The following RYR2 variants were observed in gnomAD, a reference collection of about 807,000 sequenced individuals.
RYR2 encodes the protein cardiac muscle ryanodine receptor-calcium release channel.
A neutral mutation model predicts 601.1 loss-of-function variants in RYR2; 227 were observed. That is an observed-to-expected ratio of 0.38 (90% CI 0.34 to 0.42). The LOEUF is 0.42. Among genes scored for constraint, RYR2 ranks in the 10% least tolerant of loss-of-function variants. The pLI is 1.00. For synonymous variants in RYR2, 2,223 were observed against 2,175.1 expected (o/e 1.02, Z -0.61); for missense variants, 4,646 against 6,156.5 (o/e 0.75, Z 8.21).
intron 58 of RYR2, among the ~76,000 whole-genome samples, chr1:237,669,005 T>C (rs1015651485): frequency 2.0e-5 from 3 of 151,846 alleles, no homozygotes; most frequent in African/African-American, 4.8e-5. Flanking sequence ...CTGGTTTTCC[T>C]AGGCAGAGGA....
Position 237,707,063 on chromosome 1 carries a change from C to CA in RYR2, c.9696dup (p.His3233ThrfsTer23). The CA allele has an allele frequency of 6.2e-7, 1 of 1,613,816 alleles. No homozygotes were observed. Among genetic ancestry groups the CA allele is most frequent in the Non-Finnish European group, 8.5e-7 (1 of 1,179,834 alleles). On this transcript the variant is annotated frameshift_variant, in exon 68 of 105. Coordinates refer to ENST00000366574, the MANE Select transcript of RYR2 (RefSeq NM_001035.3). LOFTEE classifies it high-confidence loss of function. ...TCCGGCATTCGCTACACTCAAATGC[C>CA]ACATGTCATGGAAGTCATACTGCCC...
intron 17 of RYR2, among the ~76,000 whole-genome samples, chr1:237,478,345 G>C (rs768164140): frequency 6.6e-6 from 1 of 152,108 alleles, no homozygotes; most frequent in Non-Finnish European, 1.5e-5. Context: ...TGTGCTTCCC[G>C]TTTTTTAACC....
At chr1:237,304,252 A>G (rs1458083764) in intron 2 of RYR2, among the ~76,000 whole-genome samples, 2 of 152,208 alleles carry the variant, frequency 1.3e-5, no homozygotes, top group South Asian at 2.1e-4. Flanking sequence ...TGCTGGCTAG[A>G]GATCAGGAGC....
chr1:237,278,571 G>A (rs1690539468), intron 2 of RYR2, among the ~76,000 whole-genome samples: 3 of 152,154 alleles, frequency 2.0e-5, no homozygotes, highest in Admixed American at 2.0e-4. Flanking sequence ...AGAATAAAAT[G>A]ATTTCTGAGT....
At chr1:237,385,895 G>A (rs981808701) in intron 8 of RYR2, among the ~76,000 whole-genome samples, 1 of 152,208 alleles carries the variant, frequency 6.6e-6, no homozygotes, top group African/African-American at 2.4e-5. Flanking sequence ...AAGAAAATAA[G>A]CCCAAGAATT....
chr1:237,395,276 A>G (rs1310558663), intron 10 of RYR2, among the ~76,000 whole-genome samples: 4 of 152,232 alleles, frequency 2.6e-5, no homozygotes, highest in Non-Finnish European at 5.9e-5. Flanking sequence ...GAGAAAGATC[A>G]GCCAAGTCTT....
At chr1:237,816,681 T>C (rs995417927) in intron 100 of RYR2, among the ~76,000 whole-genome samples, 1 of 120,756 alleles carries the variant, frequency 8.3e-6, no homozygotes, top group Non-Finnish European at 1.7e-5. Flanking sequence ...GGAGCGAGAC[T>C]CTATGTAGAA....
At position 237,302,897 on chromosome 1, in the gene RYR2, A is replaced by G. The variant is rs972129454; in HGVS notation, c.169-27981A>G. On this transcript the variant is annotated intron_variant, in intron 2 of 104. Coordinates refer to ENST00000366574, the MANE Select transcript of RYR2 (RefSeq NM_001035.3). ...TCATGTACTTTTTAGGGCTTTTGAT[A>G]TTTACTGTCATATTGCCCTTCAGAA... Among the ~76,000 whole-genome samples, 5 of 152,136 alleles carry G rather than the reference A, an allele frequency of 3.3e-5. No homozygotes were observed. The East Asian group carries it at 9.6e-4, about 29-fold the overall frequency.
At chr1:237,081,876 G>T (rs1665721563) in intron 1 of RYR2, among the ~76,000 whole-genome samples, 1 of 152,052 alleles carries the variant, frequency 6.6e-6, no homozygotes, top group South Asian at 2.1e-4. Context: ...TCTTTTAAGG[G>T]TGAGCTCCAC....
At chr1:237,467,223 A>G (rs998081386) in intron 16 of RYR2, among the ~76,000 whole-genome samples, 2 of 148,180 alleles carry the variant, frequency 1.3e-5, no homozygotes, top group Non-Finnish European at 3.0e-5. Flanking sequence ...ACAATAGTTT[A>G]TATATAATTT....
At chr1:237,711,488 G>A (rs1397650860) in intron 70 of RYR2, among the ~76,000 whole-genome samples, 1 of 152,116 alleles carries the variant, frequency 6.6e-6, no homozygotes, top group Non-Finnish European at 1.5e-5. Flanking sequence ...TGGTAAACAT[G>A]TGATCTTGCA....
At chr1:237,511,422 C>T (rs1665888576) in intron 23 of RYR2, among the ~76,000 whole-genome samples, 2 of 151,874 alleles carry the variant, frequency 1.3e-5, no homozygotes, top group Admixed American at 1.3e-4. Flanking sequence ...CTGAGTGAGC[C>T]TGTGGGAATC....
intron 23 of RYR2, among the ~76,000 whole-genome samples, chr1:237,511,137 G>A (rs75083092): frequency 7.0e-4 from 106 of 152,192 alleles, no homozygotes; most frequent in African/African-American, 2.3e-3. Flanking sequence ...TTTATAAAAC[G>A]TGTCAAGTGC....
At chr1:237,506,957 A>G (rs1665328676) in intron 23 of RYR2, 143 bp downstream of exon 23, 6 of 721,844 alleles carry the variant, frequency 8.3e-6, no homozygotes, top group Non-Finnish European at 1.4e-5. Context: ...GTTTTTGTGC[A>G]GTTTTGCCTT....
intron 25 of RYR2, among the ~76,000 whole-genome samples, chr1:237,539,626 TG>T (rs1669038834): frequency 6.6e-6 from 1 of 152,058 alleles, no homozygotes; most frequent in South Asian, 2.1e-4. Context: ...CACTTATAAG[TG>T]GGAGCTCAAC....
chr1:237,240,682 A>C (rs868867996), intron 1 of RYR2, among the ~76,000 whole-genome samples: 2,317 of 148,850 alleles, frequency 0.016, 67 homozygotes, highest in African/African-American at 0.054. Flanking sequence ...AAAAAAAAAA[A>C]AAAAAAACAG....
At chr1:237,797,907 C>T in intron 96 of RYR2, 130 bp from the exon 97 acceptor site, 1 of 795,370 alleles carries the variant, frequency 1.3e-6, no homozygotes. Context: ...GTGAGCCACA[C>T]ACTAGATTTT....
intron 48 of RYR2, among the ~76,000 whole-genome samples, chr1:237,646,292 G>A (rs1022318109): frequency 3.3e-5 from 5 of 151,874 alleles, no homozygotes; most frequent in Non-Finnish European, 1.5e-5. Flanking sequence ...AGTGAGCCAC[G>A]GCCGTGCCAC....
intron 58 of RYR2, among the ~76,000 whole-genome samples, chr1:237,671,520 C>CGT (rs368296995): frequency 0.021 from 2,886 of 140,618 alleles, 72 homozygotes; most frequent in African/African-American, 0.066. Flanking sequence ...TGTGTGTGTG[C>CGT]GTGTGTGTGT....
Sources: gnomAD v4.1 joint callset for allele counts (sites outside exome capture counted in the v4.1 genomes callset) on GRCh38, gnomAD v4.1.1 for gene constraint, MANE v1.5 for transcripts, NCBI Gene and HGNC (gene_info 2026-07-23, HGNC 2026-07-21) for gene names.